STIM1: variants seen among roughly 807,000 people sequenced by gnomAD.
STIM1 encodes the protein stromal interaction molecule 1.
STIM1 carries 25 observed loss-of-function variants against 74.7 expected under a neutral mutation model. That is an observed-to-expected ratio of 0.33 (90% CI 0.24 to 0.47). STIM1 has a LOEUF of 0.47. STIM1 is among the 20% of genes least tolerant of loss of function. The pLI, the probability that STIM1 is intolerant of heterozygous loss-of-function variation, is 1.00. For missense variants in STIM1, 728 were observed against 920.8 expected (o/e 0.79, Z 2.71); for synonymous variants, 328 against 348.8 (o/e 0.94, Z 0.66).
At chr11:4,042,826 G>A (rs2094158775) in intron 3 of STIM1, among the ~76,000 whole-genome samples, 1 of 152,116 alleles carries the variant, frequency 6.6e-6, no homozygotes, top group African/African-American at 2.4e-5. Context: ...AGGTACATAT[G>A]AAGAAAAAGT....
chr11:4,000,957 A>G (rs1281051207), intron 2 of STIM1, among the ~76,000 whole-genome samples: 1 of 152,242 alleles, frequency 6.6e-6, no homozygotes, highest in Non-Finnish European at 1.5e-5. Context: ...CTCAGGACCC[A>G]ATGCGATCAA....
At chr11:3,888,132 C>T (rs1403349457) in intron 1 of STIM1, 4 of 152,270 alleles carry the variant, frequency 2.6e-5, no homozygotes, top group African/African-American at 9.7e-5. Flanking sequence ...AGAGCTATGC[C>T]AGCTGCTATG....
chr11:4,074,829 G>C, intron 7 of STIM1, 150 bp downstream of exon 7: 1 of 941,658 alleles, frequency 1.1e-6, no homozygotes, highest in South Asian at 1.7e-5. Flanking sequence ...AACAATAAGA[G>C]TTCAAGTTGT....
chr11:4,016,022 C>T (rs1230024250), intron 2 of STIM1, among the ~76,000 whole-genome samples: 1 of 151,962 alleles, frequency 6.6e-6, no homozygotes, highest in Admixed American at 6.6e-5. Flanking sequence ...TTGTTATTAC[C>T]GACCTTCTGA....
rs2094394322 is a variant in STIM1 at position 4,070,070 on chromosome 11, A to G, written c.658A>G (p.Ile220Val). 6 of 1,614,146 alleles carry G rather than the reference A, an allele frequency of 3.7e-6. No individual in the cohort carries two copies. The highest frequency in any genetic ancestry group is 5.1e-6 in the Non-Finnish European group (6 of 1,180,024). The change falls in exon 6 of 13, where the codon ATC becomes GTC. Residue 220 changes from isoleucine to valine, a missense_variant. By Grantham distance (29) the Ile-to-Val change is conservative. Transcript: ENST00000526596. ...HLKDFMLVVSIVIGVGGCWFA... is the reference protein window; with the variant it reads ...HLKDFMLVVSVVIGVGGCWFA... ...CAAGGACTTCATGCTGGTGGTGTCT[A>G]TCGTTATTGGTGTGGGCGGCTGCTG...
chr11:3,886,608 A>T (rs2091715229), intron 1 of STIM1, among the ~76,000 whole-genome samples: 1 of 147,166 alleles, frequency 6.8e-6, no homozygotes, highest in Non-Finnish European at 1.5e-5. Flanking sequence ...GAATGGCGTG[A>T]ACCTGGGAAG....
chr11:4,082,451 G>T, intron 8 of STIM1, 100 bp downstream of exon 8: 1 of 1,249,752 alleles, frequency 8.0e-7, no homozygotes. Flanking sequence ...TCCTCCCATT[G>T]GGTGAAGAGA....
chr11:4,032,094 G>A (rs1319871264), intron 3 of STIM1, among the ~76,000 whole-genome samples: 1 of 152,210 alleles, frequency 6.6e-6, no homozygotes, highest in African/African-American at 2.4e-5. Context: ...GCTTACACGT[G>A]GTCCCAATTG....
intron 1 of STIM1, among the ~76,000 whole-genome samples, chr11:3,858,352 G>A (rs1339813637): frequency 6.6e-6 from 1 of 151,956 alleles, no homozygotes; most frequent in Non-Finnish European, 1.5e-5. Flanking sequence ...TATTTCAGAG[G>A]CCTGGCTATG....
At chr11:4,044,458 A>C (rs905535066) in intron 3 of STIM1, among the ~76,000 whole-genome samples, 2 of 152,152 alleles carry the variant, frequency 1.3e-5, no homozygotes, top group African/African-American at 4.8e-5. Context: ...GGGAGCCCTG[A>C]TATATCAGCT....
chr11:4,022,037 A>G (rs1318992837), intron 2 of STIM1, among the ~76,000 whole-genome samples: 3 of 151,702 alleles, frequency 2.0e-5, no homozygotes, highest in African/African-American at 7.3e-5. Flanking sequence ...TCTAGATTTA[A>G]TATCATGTTA....
chr11:3,937,630 A>T (rs1168468574), intron 1 of STIM1, among the ~76,000 whole-genome samples: 2 of 151,710 alleles, frequency 1.3e-5, no homozygotes, highest in Non-Finnish European at 2.9e-5. Context: ...TTGAGGGAGG[A>T]TGATGGCAGT....
chr11:3,967,983 T>C (rs1396354270), intron 2 of STIM1, among the ~76,000 whole-genome samples: 1 of 152,220 alleles, frequency 6.6e-6, no homozygotes, highest in East Asian at 1.9e-4. Flanking sequence ...GGCTGGTCTC[T>C]ATGGTTTCCT....
chr11:4,068,300 A>G (rs1452501438), intron 5 of STIM1, among the ~76,000 whole-genome samples: 1 of 152,214 alleles, frequency 6.6e-6, no homozygotes, highest in African/African-American at 2.4e-5. Context: ...CAATCTGCAT[A>G]CCCACCTTAA....
intron 1 of STIM1, among the ~76,000 whole-genome samples, chr11:3,944,615 G>A (rs2093049709): frequency 6.6e-6 from 1 of 152,194 alleles, no homozygotes; most frequent in South Asian, 2.1e-4. Flanking sequence ...TTAAGTAAGA[G>A]ACTTTCTTCT....
rs1488623146 is a variant in STIM1, at chr11:3,961,242, C to T, written c.140-6310C>T. 5 of 208,662 alleles carry T rather than the reference C, an allele frequency of 2.4e-5. No homozygotes were observed. The East Asian group carries it at 4.7e-4, about 20-fold the overall frequency. 12.9% of individuals were successfully genotyped at this position (208,662 alleles called of 1,614,324 possible). Reference sequence around the variant, plus strand: ...TGGGCTCAAGCAATGCCTCAGCCTCCCAAAGTGCTGGGATTATAGGTAGTG... The same window carrying T: ...TGGGCTCAAGCAATGCCTCAGCCTCTCAAAGTGCTGGGATTATAGGTAGTG... On this transcript the variant is annotated intron_variant, in intron 1 of 12. Coordinates refer to ENST00000526596, the MANE Select transcript of STIM1 (RefSeq NM_001382567.1).
At chr11:3,972,495 G>A (rs932571745) in intron 2 of STIM1, among the ~76,000 whole-genome samples, 4 of 151,582 alleles carry the variant, frequency 2.6e-5, no homozygotes, top group Non-Finnish European at 5.9e-5. Context: ...TCAGCATCAC[G>A]ATCAAACTAT....
At chr11:3,962,589 A>G (rs1417579965) in intron 1 of STIM1, among the ~76,000 whole-genome samples, 5 of 152,102 alleles carry the variant, frequency 3.3e-5, no homozygotes, top group African/African-American at 1.2e-4. Flanking sequence ...CTATCTCTTT[A>G]TATAATGATT....
At chr11:3,863,545 A>G (rs2090727152) in intron 1 of STIM1, among the ~76,000 whole-genome samples, 1 of 152,174 alleles carries the variant, frequency 6.6e-6, no homozygotes, top group Non-Finnish European at 1.5e-5. Flanking sequence ...GGCATGAGCC[A>G]CTGTGCCCCA....
Sources: gnomAD v4.1 joint callset for allele counts (sites outside exome capture counted in the v4.1 genomes callset) on GRCh38, gnomAD v4.1.1 for gene constraint, MANE v1.5 for transcripts, NCBI Gene and HGNC (gene_info 2026-07-23, HGNC 2026-07-21) for gene names.